The following NELL1 variants were observed in gnomAD, a reference collection of about 807,000 sequenced individuals.
NELL1 encodes the protein protein kinase C-binding protein NELL1.
Under a neutral mutation model 107.4 loss-of-function variants are expected in NELL1, and 76 were observed. The ratio of observed to expected loss-of-function variants is 0.71; its 90% confidence interval spans 0.59 to 0.86. The LOEUF (loss-of-function observed/expected upper bound fraction) is 0.86, where lower values mean the gene tolerates loss of function less well. Ranked by LOEUF, NELL1 falls within the 40% of genes least tolerant of loss-of-function variation. The pLI is 0.00. For synonymous variants in NELL1, 353 were observed against 341.2 expected (o/e 1.03, Z -0.38); for missense variants, 1,024 against 1,005.5 (o/e 1.02, Z -0.25).
intron 14 of NELL1, among the ~76,000 whole-genome samples, chr11:21,279,797 C>T (rs1584851): frequency 0.4 from 60,574 of 152,018 alleles, 12,558 homozygotes; most frequent in South Asian, 0.61. Context: ...TTCATAACCA[C>T]CCAAACTTGG....
At chr11:20,974,778 A>G (rs1176886643) in intron 12 of NELL1, among the ~76,000 whole-genome samples, 1 of 152,124 alleles carries the variant, frequency 6.6e-6, no homozygotes, top group Non-Finnish European at 1.5e-5. Context: ...CAGTATCTCT[A>G]TTGGTCTGGG....
intron 2 of NELL1, among the ~76,000 whole-genome samples, chr11:20,682,604 TAAA>T (rs1341993685): frequency 6.6e-6 from 1 of 152,092 alleles, no homozygotes; most frequent in African/African-American, 2.4e-5. Context: ...TATATTATAA[TAAA>T]CTGTGTATTC....
chr11:21,563,140 T>C (rs2134004521), intron 17 of NELL1, among the ~76,000 whole-genome samples: 1 of 152,160 alleles, frequency 6.6e-6, no homozygotes, highest in South Asian at 2.1e-4. Flanking sequence ...TGAAAAGTGG[T>C]TGTCTCTCTG....
chr11:21,566,738 G>A (rs1394422686), intron 17 of NELL1, among the ~76,000 whole-genome samples: 1 of 151,792 alleles, frequency 6.6e-6, no homozygotes, highest in Non-Finnish European at 1.5e-5. Context: ...CCCAAATTTA[G>A]TTTCTAGTGT....
chr11:21,342,655 A>AG lies in NELL1; in HGVS notation c.1550-28198_1550-28197insG, dbSNP rs1259604542. On this transcript the variant is annotated intron_variant, in intron 14 of 19. Transcript: ENST00000357134. ...AGAGACTGTCTTTAAAAAAAAAAAA[A>AG]AAAGAAAAAGAAAAAGAAAAGAAAG... Among the ~76,000 whole-genome samples, 85 of 148,060 alleles carry AG rather than the reference A, an allele frequency of 5.7e-4. 1 individual carries two copies. The Middle Eastern group carries it at 0.018, about 31-fold the overall frequency.
intron 5 of NELL1, among the ~76,000 whole-genome samples, chr11:20,892,795 G>T (rs919799296): frequency 9.9e-5 from 15 of 152,124 alleles, no homozygotes; most frequent in Non-Finnish European, 2.2e-4. Flanking sequence ...CGGGTGTGGC[G>T]GCACGCGCCA....
intron 12 of NELL1, among the ~76,000 whole-genome samples, chr11:21,086,231 CA>C (rs1193550382): frequency 2.0e-5 from 3 of 152,076 alleles, no homozygotes; most frequent in Non-Finnish European, 4.4e-5. Flanking sequence ...AGGAAAATGG[CA>C]AATGATTTAG....
At position 21,042,982 on chromosome 11, in the gene NELL1, C is replaced by T. The variant is rs920120989; in HGVS notation, c.1301-70607C>T. Among the ~76,000 whole-genome samples, 4 of 152,066 alleles carry T rather than the reference C, an allele frequency of 2.6e-5. No individual in the cohort carries two copies. The East Asian group carries it at 7.7e-4, about 29-fold the overall frequency. On this transcript the variant is annotated intron_variant, in intron 12 of 19. Coordinates refer to ENST00000357134, the MANE Select transcript of NELL1 (RefSeq NM_006157.5). ...CATAGAATGAATAGCAATTGCAGAT[C>T]TGTACATTGAAGCATCTTCTGGAAT...
At chr11:21,274,526 A>G (rs1246940351) in intron 14 of NELL1, among the ~76,000 whole-genome samples, 1 of 152,174 alleles carries the variant, frequency 6.6e-6, no homozygotes, top group Admixed American at 6.5e-5. Context: ...CACGAATTGA[A>G]CTCAGCTCTG....
At chr11:20,700,937 T>A (rs1035805742) in intron 2 of NELL1, among the ~76,000 whole-genome samples, 1 of 152,206 alleles carries the variant, frequency 6.6e-6, no homozygotes, top group Admixed American at 6.5e-5. Context: ...GTTCCAAGTC[T>A]TTGCTATTGT....
intron 2 of NELL1, among the ~76,000 whole-genome samples, chr11:20,759,298 T>G (rs1018409129): frequency 6.6e-6 from 1 of 152,176 alleles, no homozygotes; most frequent in Non-Finnish European, 1.5e-5. Context: ...CTCAACACTC[T>G]CCTATAGGGC....
intron 2 of NELL1, among the ~76,000 whole-genome samples, chr11:20,749,760 A>G (rs1174944911): frequency 3.3e-5 from 5 of 152,142 alleles, no homozygotes; most frequent in African/African-American, 1.2e-4. Context: ...CTGACACTTC[A>G]TCTACCCCCC....
chr11:21,556,717 A>C (rs910633328), intron 16 of NELL1, among the ~76,000 whole-genome samples: 1 of 151,966 alleles, frequency 6.6e-6, no homozygotes, highest in African/African-American at 2.4e-5. Context: ...AATGCAAGAA[A>C]ATTAGTTCTA....
At chr11:21,275,544 A>T (rs765549233) in intron 14 of NELL1, among the ~76,000 whole-genome samples, 18 of 152,222 alleles carry the variant, frequency 1.2e-4, no homozygotes, top group Non-Finnish European at 2.4e-4. Context: ...TCCCTAGCTC[A>T]TTTTATGAGG....
intron 2 of NELL1, among the ~76,000 whole-genome samples, chr11:20,724,739 C>G (rs1855470332): frequency 6.6e-6 from 1 of 152,180 alleles, no homozygotes; most frequent in Non-Finnish European, 1.5e-5. Context: ...TAACATCTTC[C>G]CATTACCCAG....
chr11:20,776,725 A>G (rs1265884130), intron 2 of NELL1, among the ~76,000 whole-genome samples: 1 of 152,084 alleles, frequency 6.6e-6, no homozygotes, highest in Non-Finnish European at 1.5e-5. Context: ...AAGAAGGGAT[A>G]TTAGTTAGGC....
At chr11:21,348,124 A>G (rs11026039) in intron 14 of NELL1, among the ~76,000 whole-genome samples, 9,897 of 137,832 alleles carry the variant, frequency 0.072, 439 homozygotes, top group African/African-American at 0.12. Flanking sequence ...AATTTTTTCT[A>G]TTTAATATAA....
At chr11:21,360,604 A>G (rs980214026) in intron 14 of NELL1, among the ~76,000 whole-genome samples, 1 of 152,128 alleles carries the variant, frequency 6.6e-6, no homozygotes, top group Admixed American at 6.5e-5. Context: ...GTTTCCCACT[A>G]TTATTAAGTT....
At chr11:21,138,283 A>T (rs978956466) in intron 13 of NELL1, among the ~76,000 whole-genome samples, 1 of 152,166 alleles carries the variant, frequency 6.6e-6, no homozygotes, top group African/African-American at 2.4e-5. Flanking sequence ...GAAAGATTCT[A>T]AATGTGAAGT....
Sources: allele counts gnomAD v4.1 joint callset (sites outside exome capture counted in the v4.1 genomes callset), GRCh38; gene constraint gnomAD v4.1.1; transcripts MANE v1.5; gene names NCBI Gene and HGNC (gene_info 2026-07-23, HGNC 2026-07-21).